VWA5B1: variants seen among roughly 807,000 people sequenced by gnomAD.
VWA5B1 encodes the protein von Willebrand factor A domain containing 5B1.
In VWA5B1, 115 loss-of-function variants were observed where a neutral mutation model predicts 118.2. The ratio of observed to expected loss-of-function variants is 0.97; its 90% CI spans 0.84 to 1.14. The LOEUF is 1.14. Ranked by LOEUF, VWA5B1 falls within the 50% of genes most tolerant of loss-of-function variation. The pLI is 0.00. For missense variants in VWA5B1, 1,596 were observed against 1,603.8 expected (o/e 1.00, Z 0.08); for synonymous variants, 682 against 658.4 (o/e 1.04, Z -0.55).
Position 20,337,690 on chromosome 1 carries a change from A to G in VWA5B1, c.1987A>G (p.Ile663Val), listed in dbSNP as rs769752758. 4 of 1,551,462 alleles carry G rather than the reference A, an allele frequency of 2.6e-6. No individual in the cohort carries two copies. The East Asian group carries it at 7.3e-5, about 28-fold the overall frequency. ...QRRRAYSTNQ[I>V]TNHKPLPRAT... ...ACGGAGGGCATACAGCACCAACCAG[A>G]TCACCAATCACAAGCCCCTCCCAAG... is the stretch of plus-strand genomic sequence containing the variant. Residue 663 changes from isoleucine to valine, a missense_variant, in exon 14 of 22, where the codon ATC becomes GTC. By Grantham distance (29) the Ile-to-Val change is conservative. Coordinates refer to ENST00000289815, the MANE Select transcript of VWA5B1 (RefSeq NM_001039500.3).
chr1:20,358,949 G>A lies in VWA5B1; in HGVS notation c.*4686G>A, dbSNP rs1076625. ...CTGGCCACGCCTACAGCTCCCAACC[G>A]TGGACCTCTCTGCCCTGTGTGTCCA... On this transcript the variant is annotated 3_prime_UTR_variant, in exon 22 of 22. Coordinates refer to ENST00000289815, the MANE Select transcript of VWA5B1 (RefSeq NM_001039500.3). 0.19 allele frequency among the ~76,000 whole-genome samples: 29,264 copies of A among 152,198 alleles called. 4,190 individuals carry two copies. Among genetic ancestry groups the A allele is most frequent in the African/African-American group, 0.4 (16,668 of 41,486 alleles).
intron 1 of VWA5B1, among the ~76,000 whole-genome samples, chr1:20,292,344 C>G (rs1054277099): frequency 1.3e-5 from 2 of 152,116 alleles, no homozygotes; most frequent in Non-Finnish European, 2.9e-5. Context: ...TCCTCCTGCT[C>G]CTGGGAAGAG....
chr1:20,299,225 C>G (rs79113564), intron 1 of VWA5B1, among the ~76,000 whole-genome samples: 7 of 152,040 alleles, frequency 4.6e-5, no homozygotes, highest in Non-Finnish European at 5.9e-5. Context: ...CTAAATGCAG[C>G]CTCTCCAACT....
At chr1:20,347,633 T>A (rs1450218103) in intron 17 of VWA5B1, among the ~76,000 whole-genome samples, 1 of 152,080 alleles carries the variant, frequency 6.6e-6, no homozygotes, top group Non-Finnish European at 1.5e-5. Flanking sequence ...TTTATTTTTT[T>A]ATTTTTTTTG....
At chr1:20,293,830 C>T (rs2223225) in intron 1 of VWA5B1, among the ~76,000 whole-genome samples, 70,127 of 151,850 alleles carry the variant, frequency 0.46, 16,376 homozygotes, top group African/African-American at 0.53. Context: ...AGGCAGGCTT[C>T]CTGAAGGAGG....
At chr1:20,315,613 G>A (rs2088981839) in intron 4 of VWA5B1, among the ~76,000 whole-genome samples, 1 of 152,220 alleles carries the variant, frequency 6.6e-6, no homozygotes, top group South Asian at 2.1e-4. Context: ...AAGGGTGCAA[G>A]CCATGGACAT....
At chr1:20,318,815 C>G (rs1422566518) in intron 6 of VWA5B1, 94 bp downstream of exon 6, 1 of 1,406,256 alleles carries the variant, frequency 7.1e-7, no homozygotes, top group Non-Finnish European at 9.3e-7. Context: ...CGCCCAGCAG[C>G]TAGCTAGCCA....
intron 7 of VWA5B1, among the ~76,000 whole-genome samples, chr1:20,320,266 T>G (rs1300434757): frequency 6.6e-6 from 1 of 152,198 alleles, no homozygotes; most frequent in Non-Finnish European, 1.5e-5. Flanking sequence ...GAAGTTAGAT[T>G]TGGTGACCAG....
At chr1:20,319,535 G>A (rs888944114) in intron 7 of VWA5B1, 29 bp downstream of exon 7, 21 of 1,550,360 alleles carry the variant, frequency 1.4e-5, no homozygotes, top group South Asian at 7.2e-5. Flanking sequence ...GGGAGCGGAC[G>A]GTGGCAGAGT....
At chr1:20,309,915 G>C in intron 1 of VWA5B1, among the ~76,000 whole-genome samples, 1 of 124,512 alleles carries the variant, frequency 8.0e-6, no homozygotes. Flanking sequence ...GGCTGTGTGT[G>C]TGTGTGTGTG....
At chr1:20,315,953 G>C (rs1369016900) in intron 4 of VWA5B1, among the ~76,000 whole-genome samples, 1 of 152,208 alleles carries the variant, frequency 6.6e-6, no homozygotes, top group Non-Finnish European at 1.5e-5. Flanking sequence ...GACCTCAGTG[G>C]ATCAGGGAAC....
At chr1:20,304,457 G>A (rs2088587503) in intron 1 of VWA5B1, among the ~76,000 whole-genome samples, 2 of 152,042 alleles carry the variant, frequency 1.3e-5, no homozygotes, top group Non-Finnish European at 2.9e-5. Flanking sequence ...GAGAGACAAG[G>A]ACCCAATGGG....
At chr1:20,321,571 G>A (rs1191917053) in intron 7 of VWA5B1, among the ~76,000 whole-genome samples, 1 of 152,118 alleles carries the variant, frequency 6.6e-6, no homozygotes, top group Non-Finnish European at 1.5e-5. Flanking sequence ...GTGGCAGAGC[G>A]AGACTCTGTC....
intron 2 of VWA5B1, among the ~76,000 whole-genome samples, chr1:20,311,288 C>T (rs536475600): frequency 1.3e-5 from 2 of 152,350 alleles, no homozygotes; most frequent in East Asian, 3.9e-4. Flanking sequence ...TGCATTTTTA[C>T]AGTCCACAAG....
intron 1 of VWA5B1, among the ~76,000 whole-genome samples, chr1:20,295,484 G>T (rs763538534): frequency 1.3e-5 from 2 of 152,128 alleles, no homozygotes; most frequent in Non-Finnish European, 2.9e-5. Context: ...GGTCTGGAAG[G>T]ATCCTAGTCC....
chr1:20,316,795 C>T (rs2089022943), intron 4 of VWA5B1, among the ~76,000 whole-genome samples: 1 of 152,306 alleles, frequency 6.6e-6, no homozygotes, highest in South Asian at 2.1e-4. Context: ...TTGCAGCTTA[C>T]AGAGACAGAG....
At chr1:20,332,736 C>T (rs1205522401) in intron 11 of VWA5B1, 30 bp from the exon 12 acceptor site, 2 of 1,548,486 alleles carry the variant, frequency 1.3e-6, no homozygotes, top group South Asian at 1.2e-5. Flanking sequence ...CTCATACATC[C>T]CCCAACTGCA....
At chr1:20,341,219 G>A (rs1350847427) in intron 14 of VWA5B1, among the ~76,000 whole-genome samples, 1 of 152,138 alleles carries the variant, frequency 6.6e-6, no homozygotes, top group Non-Finnish European at 1.5e-5. Context: ...CGACTGATTT[G>A]GATCGTTTCC....
At chr1:20,310,942 G>T (rs751391434) in intron 2 of VWA5B1, among the ~76,000 whole-genome samples, 1 of 152,222 alleles carries the variant, frequency 6.6e-6, no homozygotes, top group Non-Finnish European at 1.5e-5. Context: ...GAGCTGAGGA[G>T]GTTTGGATTC....
Sources: allele counts gnomAD v4.1 joint callset (sites outside exome capture counted in the v4.1 genomes callset), GRCh38; gene constraint gnomAD v4.1.1; transcripts MANE v1.5; gene names NCBI Gene and HGNC (gene_info 2026-07-23, HGNC 2026-07-21).